The following CEP76 variants were observed in gnomAD, a reference collection of about 807,000 sequenced individuals.
The protein encoded by CEP76 is centrosomal protein of 76 kDa.
Under a neutral mutation model 83.3 loss-of-function variants are expected in CEP76, and 55 were observed. The ratio of observed to expected loss-of-function variants is 0.66; its 90% CI spans 0.53 to 0.83. CEP76 has a LOEUF of 0.83. Ranked by LOEUF, CEP76 falls within the 40% of genes least tolerant of loss-of-function variation. The pLI, the probability that CEP76 is intolerant of heterozygous loss-of-function variation, is 0.00. For missense variants in CEP76, 694 were observed against 799.5 expected, an observed-to-expected ratio of 0.87 and a Z score of 1.59; for synonymous variants, 270 against 274.5, an observed-to-expected ratio of 0.98 and a Z score of 0.16.
intron 5 of CEP76, 128 bp downstream of exon 5, chr18:12,697,095 T>C (rs972382957): frequency 3.1e-6 from 2 of 642,670 alleles, no homozygotes; most frequent in African/African-American, 3.7e-5. Context: ...GGTCCAATTG[T>C]AACTCTAACG....
chr18:12,669,717 T>C (rs2038891484), downstream of CEP76, among the ~76,000 whole-genome samples: 1 of 152,004 alleles, frequency 6.6e-6, no homozygotes, highest in Admixed American at 6.6e-5. Flanking sequence ...AAAAGAAAAA[T>C]TGGCGAGGCA....
intron 3 of CEP76, among the ~76,000 whole-genome samples, 157 bp downstream of exon 3, chr18:12,699,673 T>C (rs540171670): frequency 3.2e-4 from 48 of 152,326 alleles, no homozygotes; most frequent in African/African-American, 9.9e-4. Context: ...TCTTCTGATA[T>C]ACTTCATGCA....
chr18:12,691,880 T>C (rs1275202383), intron 6 of CEP76, among the ~76,000 whole-genome samples: 1 of 152,028 alleles, frequency 6.6e-6, no homozygotes, highest in East Asian at 1.9e-4. Context: ...CACACTCAGC[T>C]AAATTTTTTT....
chr18:12,675,445 ATC>A (rs1444800351), intron 10 of CEP76, among the ~76,000 whole-genome samples: 1 of 152,100 alleles, frequency 6.6e-6, no homozygotes, highest in Non-Finnish European at 1.5e-5. Context: ...GTAAGAATGA[ATC>A]TGTTTACTAA....
intron 7 of CEP76, among the ~76,000 whole-genome samples, chr18:12,688,006 G>A (rs1329723174): frequency 6.6e-6 from 1 of 151,918 alleles, no homozygotes; most frequent in Non-Finnish European, 1.5e-5. Context: ...CACTTTGGGA[G>A]GCCAAGGTGG....
intron 7 of CEP76, among the ~76,000 whole-genome samples, chr18:12,687,704 C>G (rs909030437): frequency 2.0e-5 from 3 of 151,600 alleles, no homozygotes; most frequent in African/African-American, 7.3e-5. Context: ...CCGCCCACCT[C>G]GACCTCCCAA....
intron 5 of CEP76, 50 bp downstream of exon 5, chr18:12,697,173 A>G (rs1018873205): frequency 9.6e-6 from 12 of 1,243,938 alleles, no homozygotes; most frequent in Non-Finnish European, 1.4e-5. Context: ...TATATTTACA[A>G]ATGAACTGTG....
chr18:12,698,939 G>T, intron 4 of CEP76, 40 bp downstream of exon 4: 1 of 1,358,096 alleles, frequency 7.4e-7, no homozygotes, highest in Non-Finnish European at 1.0e-6. Flanking sequence ...ACATAACAAA[G>T]ATTTACTCAA....
intron 6 of CEP76, among the ~76,000 whole-genome samples, chr18:12,693,279 T>C (rs1258335094): frequency 6.6e-6 from 1 of 152,042 alleles, no homozygotes; most frequent in African/African-American, 2.4e-5. Flanking sequence ...GAGAACCTGG[T>C]GGGGCACAAT....
intron 7 of CEP76, among the ~76,000 whole-genome samples, chr18:12,687,639 A>T (rs2039589879): frequency 1.3e-5 from 2 of 151,464 alleles, no homozygotes; most frequent in South Asian, 4.2e-4. Flanking sequence ...TTTTGTAGAG[A>T]TGGGGTTTCA....
intron 5 of CEP76, 151 bp downstream of exon 5, chr18:12,697,072 A>G: frequency 3.6e-6 from 2 of 548,216 alleles, no homozygotes; most frequent in Non-Finnish European, 6.3e-6. Flanking sequence ...ATTTCTCAAG[A>G]TTAGGATGCT....
intron 11 of CEP76, 46 bp from the exon 12 acceptor site, chr18:12,673,549 C>CT: frequency 7.1e-7 from 1 of 1,405,080 alleles, no homozygotes. Context: ...TGACCATACA[C>CT]TTTAATTCCT....
Position 12,699,006 on chromosome 18 carries a change from A to G in CEP76, c.493T>C (p.Leu165=), listed in dbSNP as rs761217041. 2.5e-6 allele frequency: 4 copies of G among 1,613,368 alleles called. No homozygotes were observed. In the East Asian group the frequency reaches 8.9e-5, roughly 36 times the overall value. Residue 165 remains leucine (L), a synonymous_variant, in exon 4 of 12, where the codon TTA becomes CTA. Transcript: ENST00000262127. ...ACEPDFHDGF[L]LEVHRESLGD... is the part of the protein sequence containing the mutation. Reference sequence around the variant, plus strand: ...AAGCTTTCTCTGTGTACTTCAAGTAAAAAGCCATCATGAAAATCTGGTTCA... The same window carrying G: ...AAGCTTTCTCTGTGTACTTCAAGTAGAAAGCCATCATGAAAATCTGGTTCA...
Position 12,697,317 on chromosome 18 carries a change from C to T in CEP76, c.612G>A (p.Glu204=). The change falls in exon 5 of 12, where the codon GAG becomes GAA. Residue 204 remains glutamate (E), a synonymous_variant. Coordinates refer to ENST00000262127, the MANE Select transcript of CEP76 (RefSeq NM_024899.4). ...MVLIKTDIFG[E]TTLVASYFLE... ...GAAAATATGATGCTACTAAAGTCGT[C>T]TCACCAAATATGTCTGTTTTGATTA... 1.2e-6 allele frequency: 2 copies of T among 1,613,998 alleles called. No homozygotes were observed. Among genetic ancestry groups the T allele is most frequent in the Non-Finnish European group, 8.5e-7 (1 of 1,179,904 alleles).
rs2040135644 is a variant in CEP76 at position 12,701,110 on chromosome 18, C to T, written c.67G>A (p.Asp23Asn). 3.1e-6 allele frequency: 5 copies of T among 1,608,396 alleles called. No individual in the cohort carries two copies. The highest frequency in any genetic ancestry group is 1.3e-5 in the African/African-American group (1 of 74,766). The change falls in exon 2 of 12, where the codon GAT (aspartate) becomes AAT (asparagine). Residue 23 changes from aspartate to asparagine, a missense_variant. Asp to Asn is a conservative substitution (Grantham distance 23). Transcript: ENST00000262127. ...ATTTCTCTTATTCTACCATGGACAT[C>T]CATCTATGTAGAAAACTCATATTAC... ...QLIHQQLSKM[D>N]VHGRIREILA... is the part of the protein sequence containing the mutation.
intron 2 of CEP76, chr18:12,700,267 G>A (rs2040106131): frequency 6.3e-6 from 1 of 159,856 alleles, no homozygotes; most frequent in Non-Finnish European, 1.4e-5. Flanking sequence ...TCATCACAGA[G>A]TAGAAGCTGT....
At chr18:12,675,732 G>A (rs939096717) in intron 10 of CEP76, among the ~76,000 whole-genome samples, 63 of 151,496 alleles carry the variant, frequency 4.2e-4, no homozygotes, top group African/African-American at 1.3e-3. Context: ...GCAGTGGCGC[G>A]ATCTCGGCTC....
At position 12,699,087 on chromosome 18, in the gene CEP76, A is replaced by G. The variant is rs777865617; in HGVS notation, c.412T>C (p.Leu138=). The change falls in exon 4 of 12, where the codon TTA becomes CTA. Residue 138 remains leucine (L), a synonymous_variant. Transcript: ENST00000262127. The part of the protein sequence containing the change: ...LPGQVCSTFT[L]CLHYRNQRFR... ...CGTTGGTTTCGATAATGTAAACATAAAGTAAACGTTGAACAAACTTGTCCA... is the reference window on the plus strand; with the variant it reads ...CGTTGGTTTCGATAATGTAAACATAGAGTAAACGTTGAACAAACTTGTCCA... 3.1e-6 allele frequency: 5 copies of G among 1,614,018 alleles called. No individual in the cohort carries two copies. The highest frequency in any genetic ancestry group is 4.2e-6 in the Non-Finnish European group (5 of 1,180,004).
At chr18:12,691,941 G>T (rs1472260724) in intron 6 of CEP76, among the ~76,000 whole-genome samples, 2 of 151,828 alleles carry the variant, frequency 1.3e-5, no homozygotes, top group Non-Finnish European at 2.9e-5. Context: ...AGCTAGTCTT[G>T]AACTCCTGAG....
Sources: allele counts gnomAD v4.1 joint callset (sites outside exome capture counted in the v4.1 genomes callset), GRCh38; gene constraint gnomAD v4.1.1; transcripts MANE v1.5; gene names NCBI Gene and HGNC (gene_info 2026-07-23, HGNC 2026-07-21).